Variants in GALNT18 observed in about 807,000 individuals in gnomAD.
GALNT18 encodes the protein GalNAc-transferase 18.
GALNT18 carries 44 observed loss-of-function variants against 69.5 expected under a neutral mutation model. That is an observed-to-expected ratio of 0.63 (90% CI 0.50 to 0.81). The LOEUF is 0.81. GALNT18 is among the 40% of genes least tolerant of loss of function. The pLI, the probability that GALNT18 is intolerant of heterozygous loss-of-function variation, is 0.00. For synonymous variants in GALNT18, 364 were observed against 318.2 expected, an observed-to-expected ratio of 1.14 and a Z score of -1.53; for missense variants, 715 against 810.0, an observed-to-expected ratio of 0.88 and a Z score of 1.42.
chr11:11,310,645 G>A (rs957550518), intron 9 of GALNT18, among the ~76,000 whole-genome samples: 1 of 152,148 alleles, frequency 6.6e-6, no homozygotes, highest in African/African-American at 2.4e-5. Context: ...AAAAACTAAA[G>A]CTGTTCTGGT....
rs17363219 is a variant in GALNT18 at position 11,315,622 on chromosome 11, T to C, written c.1512+11464A>G. Among the ~76,000 whole-genome samples, 8,362 of 152,210 alleles carry C rather than the reference T, an allele frequency of 0.055. 290 individuals carry two copies. Among genetic ancestry groups the C allele is most frequent in the Middle Eastern group, 0.078 (23 of 294 alleles). On this transcript the variant is annotated intron_variant, in intron 9 of 10. Transcript: ENST00000227756. This position sits in a 1 kb window ranked among gnomAD's most constrained non-coding sequence, Gnocchi z 5.6. Reference sequence around the variant, plus strand: ...AGTAACACCTACCATCACCATCACATGTGGGGCACCGGGTCAGGCATCATG... The same window carrying C: ...AGTAACACCTACCATCACCATCACACGTGGGGCACCGGGTCAGGCATCATG...
chr11:11,571,215 A>C (rs1463769943), intron 1 of GALNT18, among the ~76,000 whole-genome samples: 3 of 152,228 alleles, frequency 2.0e-5, no homozygotes, highest in African/African-American at 7.2e-5. Flanking sequence ...AGTCAGTGTC[A>C]GGACCAGGAT....
intron 2 of GALNT18, among the ~76,000 whole-genome samples, chr11:11,441,048 T>C (rs1198466532): frequency 1.3e-5 from 2 of 152,222 alleles, no homozygotes; most frequent in Non-Finnish European, 2.9e-5. Flanking sequence ...TTCTGGGTTG[T>C]CCTCCTGTAA....
At chr11:11,392,793 T>G (rs1180767416) in intron 3 of GALNT18, among the ~76,000 whole-genome samples, 5 of 152,182 alleles carry the variant, frequency 3.3e-5, no homozygotes, top group Non-Finnish European at 5.9e-5. Context: ...ACAGCCATCT[T>G]TTTAAATTTT....
intron 3 of GALNT18, among the ~76,000 whole-genome samples, chr11:11,419,619 A>AAAAAAAAAAAAAAAGAAAG (rs1554932034): frequency 2.3e-5 from 3 of 128,356 alleles, no homozygotes; most frequent in Non-Finnish European, 3.3e-5. Flanking sequence ...AAAAAAAAAA[A>AAAAAAAAAAAAAAAGAAAG]AAAGAAAGAA....
rs1460025353 is a variant in GALNT18 at position 11,563,290 on chromosome 11, T to G, written c.235+58069A>C. 6.6e-6 allele frequency among the ~76,000 whole-genome samples: 1 copy of G among 152,160 alleles called. No individual in the cohort carries two copies. Among genetic ancestry groups the G allele is most frequent in the Non-Finnish European group, 1.5e-5 (1 of 68,034 alleles). On this transcript the variant is annotated intron_variant, in intron 1 of 10. Transcript: ENST00000227756. This position sits in a 1 kb window ranked among gnomAD's most constrained non-coding sequence, Gnocchi z 4.6. ...TTTGTTCTCATAGGGCAATTTCAGC[T>G]CCATCTGCAGTCTTTTCTTTCCGGA...
intron 1 of GALNT18, among the ~76,000 whole-genome samples, chr11:11,534,474 G>T (rs1857728865): frequency 2.6e-5 from 4 of 152,212 alleles, no homozygotes; most frequent in Admixed American, 2.6e-4. Context: ...CCCTGTGCTG[G>T]ATGCTGCTGA....
chr11:11,280,082 T>TA (rs1328834943), intron 10 of GALNT18, among the ~76,000 whole-genome samples: 1 of 152,066 alleles, frequency 6.6e-6, no homozygotes, highest in African/African-American at 2.4e-5. Context: ...CACAAACCTA[T>TA]TCAGAAGCAT....
intron 6 of GALNT18, among the ~76,000 whole-genome samples, chr11:11,349,000 C>T (rs74791002): frequency 0.015 from 2,216 of 151,616 alleles, 41 homozygotes; most frequent in African/African-American, 0.045. Flanking sequence ...TTCCTTACCC[C>T]CAGAGGTAAC....
chr11:11,498,272 A>G (rs1299012294), intron 1 of GALNT18, among the ~76,000 whole-genome samples: 6 of 152,204 alleles, frequency 3.9e-5, no homozygotes, highest in Admixed American at 3.9e-4. Context: ...GGGTCACTCA[A>G]TATTTAATTA....
chr11:11,488,577 G>T (rs1280388683), intron 1 of GALNT18, among the ~76,000 whole-genome samples: 2 of 152,138 alleles, frequency 1.3e-5, no homozygotes, highest in Non-Finnish European at 2.9e-5. Flanking sequence ...GCCACATAGG[G>T]TTGTTTGGAG....
chr11:11,488,407 G>T (rs1490649190), intron 1 of GALNT18, among the ~76,000 whole-genome samples: 5 of 151,978 alleles, frequency 3.3e-5, no homozygotes, highest in Non-Finnish European at 1.5e-5. Flanking sequence ...TCTCCAGCCT[G>T]CCTCTTTTGC....
At chr11:11,506,802 T>C (rs567936401) in intron 1 of GALNT18, among the ~76,000 whole-genome samples, 5 of 152,312 alleles carry the variant, frequency 3.3e-5, no homozygotes, top group Admixed American at 1.3e-4. Flanking sequence ...GGTACAGCCC[T>C]GGTATCCTGG....
chr11:11,474,949 A>G (rs1160741678), intron 1 of GALNT18, among the ~76,000 whole-genome samples: 3 of 152,358 alleles, frequency 2.0e-5, no homozygotes, highest in Non-Finnish European at 2.9e-5. Flanking sequence ...GGGAATGTCA[A>G]TATAAAAATG....
intron 1 of GALNT18, among the ~76,000 whole-genome samples, chr11:11,513,603 C>T (rs1857207032): frequency 6.6e-6 from 1 of 152,172 alleles, no homozygotes; most frequent in Non-Finnish European, 1.5e-5. Context: ...TGAACTTTGT[C>T]TTCTCTGCCA....
At position 11,592,120 on chromosome 11, in the gene GALNT18, G is replaced by C. The variant is rs1257513201; in HGVS notation, c.235+29239C>G. ...AAAACTCAATAAATGCTAGCTATTT[G>C]GCACAAACCAGAAAAACTTTTCAGC... On this transcript the variant is annotated intron_variant, in intron 1 of 10. Coordinates refer to ENST00000227756, the MANE Select transcript of GALNT18 (RefSeq NM_198516.3). The surrounding 1 kb of genome is among the most constrained non-coding windows in gnomAD (Gnocchi z 5.9). 1.3e-5 allele frequency among the ~76,000 whole-genome samples: 2 copies of C among 152,160 alleles called. No homozygotes were observed. Among genetic ancestry groups the C allele is most frequent in the Non-Finnish European group, 2.9e-5 (2 of 68,036 alleles).
At position 11,366,306 on chromosome 11, in the gene GALNT18, C is replaced by T. The variant is rs115251016; in HGVS notation, c.1092+6209G>A. On this transcript the variant is annotated intron_variant, in intron 6 of 10. Coordinates refer to ENST00000227756, the MANE Select transcript of GALNT18 (RefSeq NM_198516.3). ...TGTCATTTGAATAAAAAGTTAAGCACGACTATAATACATATAAATTAATGT... is the reference window on the plus strand; with the variant it reads ...TGTCATTTGAATAAAAAGTTAAGCATGACTATAATACATATAAATTAATGT... Among the ~76,000 whole-genome samples the T allele has an allele frequency of 5.1e-3, 779 of 152,152 alleles. 4 individuals are homozygous for T. Among genetic ancestry groups the T allele is most frequent in the African/African-American group, 0.016 (664 of 41,490 alleles).
chr11:11,547,900 G>C (rs184874986), intron 1 of GALNT18, among the ~76,000 whole-genome samples: 1 of 152,048 alleles, frequency 6.6e-6, no homozygotes, highest in Non-Finnish European at 1.5e-5. Flanking sequence ...TTCCTGGAAC[G>C]TACCATGCTC....
At chr11:11,351,415 A>G (rs1850400305) in intron 6 of GALNT18, among the ~76,000 whole-genome samples, 1 of 152,216 alleles carries the variant, frequency 6.6e-6, no homozygotes, top group African/African-American at 2.4e-5. Context: ...CTTACGCAAG[A>G]GGGAGCCAGC....
Sources: gnomAD v4.1 joint callset for allele counts (sites outside exome capture counted in the v4.1 genomes callset) on GRCh38, gnomAD v4.1.1 for gene constraint, Gnocchi (gnomAD v3.1) non-coding constraint, MANE v1.5 for transcripts, NCBI Gene and HGNC (gene_info 2026-07-23, HGNC 2026-07-21) for gene names.